Variants in GPHN observed in about 807,000 individuals in gnomAD.
GPHN encodes gephyrin.
Under a neutral mutation model 95.5 loss-of-function variants are expected in GPHN, and 17 were observed. The ratio of observed to expected loss-of-function variants is 0.18; its 90% CI spans 0.12 to 0.27. The LOEUF (loss-of-function observed/expected upper bound fraction) is 0.27, where lower values mean the gene tolerates loss of function less well. Among genes scored for constraint, GPHN ranks in the 10% least tolerant of loss-of-function variants. The probability of loss-of-function intolerance (pLI) is 1.00; values close to 1 mark genes in which losing one functional copy is unlikely to be tolerated. For synonymous variants in GPHN, 320 were observed against 322.5 expected, an observed-to-expected ratio of 0.99 and a Z score of 0.08; for missense variants, 660 against 978.1, an observed-to-expected ratio of 0.67 and a Z score of 4.34.
At chr14:66,853,011 G>C (rs1360075227) in intron 4 of GPHN, among the ~76,000 whole-genome samples, 1 of 152,104 alleles carries the variant, frequency 6.6e-6, no homozygotes, top group African/African-American at 2.4e-5. Flanking sequence ...TTGGTGAAAG[G>C]CTTCTAATTG....
At chr14:66,732,737 G>A (rs2071893877) in intron 2 of GPHN, among the ~76,000 whole-genome samples, 1 of 152,092 alleles carries the variant, frequency 6.6e-6, no homozygotes, top group Non-Finnish European at 1.5e-5. Context: ...GGCTGCTCTT[G>A]AACTCCTGAC....
chr14:67,635,357 A>G, the GPHN span, among the ~76,000 whole-genome samples: 1 of 152,278 alleles, frequency 6.6e-6, no homozygotes, highest in African/African-American at 2.4e-5. Context: ...CCTAAATAAC[A>G]GTCTCTTCAA....
chr14:67,043,439 A>C (rs563023920), intron 10 of GPHN, among the ~76,000 whole-genome samples: 1 of 152,306 alleles, frequency 6.6e-6, no homozygotes, highest in South Asian at 2.1e-4. Flanking sequence ...TTTTAGCAGG[A>C]AGGAGTGTTG....
chr14:66,915,177 A>G (rs1352004942), intron 5 of GPHN, among the ~76,000 whole-genome samples: 1 of 152,180 alleles, frequency 6.6e-6, no homozygotes, highest in Non-Finnish European at 1.5e-5. Flanking sequence ...GTGGTTAAAG[A>G]AAAACTCAGT....
At chr14:67,115,734 CAAAA>C (rs35393713) in intron 16 of GPHN, among the ~76,000 whole-genome samples, 1 of 123,950 alleles carries the variant, frequency 8.1e-6, no homozygotes, top group Non-Finnish European at 1.7e-5. Context: ...GACTCCATCT[CAAAA>C]AAAAAAAAAA....
the GPHN span, chr14:67,592,205 CAGG>C: frequency 4.2e-6 from 1 of 238,856 alleles, no homozygotes; most frequent in South Asian, 3.8e-5. Flanking sequence ...GAGGCTGAGG[CAGG>C]AGAATTGCTT....
chr14:67,069,679 C>G (rs1402686567), intron 11 of GPHN, among the ~76,000 whole-genome samples: 1 of 152,152 alleles, frequency 6.6e-6, no homozygotes, highest in Non-Finnish European at 1.5e-5. Flanking sequence ...AAATAAAATT[C>G]CCAAGACAGC....
chr14:67,604,160 T>C, the GPHN span, among the ~76,000 whole-genome samples: 1 of 152,208 alleles, frequency 6.6e-6, no homozygotes, highest in Non-Finnish European at 1.5e-5. Context: ...GCTTTCTTAC[T>C]GGGATGGATA....
At chr14:67,452,204 C>T in the GPHN span, among the ~76,000 whole-genome samples, 19 of 151,936 alleles carry the variant, frequency 1.3e-4, no homozygotes, top group African/African-American at 4.6e-4. Flanking sequence ...TGATGGTGCA[C>T]ACCAGCTACT....
At chr14:66,711,632 A>G (rs1310004430) in intron 2 of GPHN, among the ~76,000 whole-genome samples, 1 of 146,894 alleles carries the variant, frequency 6.8e-6, no homozygotes, top group Non-Finnish European at 1.5e-5. Context: ...TCTAGGGTAC[A>G]TGTGCACAAT....
At chr14:67,454,848 C>T in the GPHN span, among the ~76,000 whole-genome samples, 1 of 151,942 alleles carries the variant, frequency 6.6e-6, no homozygotes, top group Non-Finnish European at 1.5e-5. Context: ...CGCCCTGTCC[C>T]AGCCAGGGCA....
intron 9 of GPHN, among the ~76,000 whole-genome samples, chr14:67,000,191 A>G (rs569019365): frequency 3.4e-4 from 51 of 151,944 alleles, no homozygotes; most frequent in Middle Eastern, 3.4e-3. Flanking sequence ...TCTGATCTAA[A>G]CAAACTTGGA....
At chr14:67,574,254 A>G in the GPHN span, 5 of 1,604,716 alleles carry the variant, frequency 3.1e-6, no homozygotes, top group Non-Finnish European at 4.3e-6. This position sits in a 1 kb window ranked among gnomAD's most constrained non-coding sequence, Gnocchi z 4.2. Flanking sequence ...CATCTCTGAG[A>G]AGAAAACCTA....
chr14:67,722,649 G>A, the GPHN span: 8 of 1,613,730 alleles, frequency 5.0e-6, no homozygotes, highest in African/African-American at 1.3e-5. Flanking sequence ...AACGATGCTG[G>A]TCACCTTGGG....
chr14:67,435,701 C>T, the GPHN span, among the ~76,000 whole-genome samples: 1 of 152,226 alleles, frequency 6.6e-6, no homozygotes, highest in African/African-American at 2.4e-5. Context: ...CTGGATGTCA[C>T]TCCTTCCCTT....
the GPHN span, among the ~76,000 whole-genome samples, chr14:67,543,600 A>T: frequency 2.0e-5 from 3 of 152,154 alleles, no homozygotes; most frequent in South Asian, 4.1e-4. Flanking sequence ...TGCATGTTTA[A>T]CAAGCGTCCA....
chr14:67,085,643 T>C (rs1279624833), intron 11 of GPHN, among the ~76,000 whole-genome samples: 1 of 152,238 alleles, frequency 6.6e-6, no homozygotes, highest in Non-Finnish European at 1.5e-5. Flanking sequence ...TAACTGTTGA[T>C]TCTTATGGCA....
chr14:66,663,571 T>G (rs1300929366), intron 1 of GPHN, among the ~76,000 whole-genome samples: 1 of 152,016 alleles, frequency 6.6e-6, no homozygotes, highest in Non-Finnish European at 1.5e-5. Flanking sequence ...ACAAGTTATT[T>G]TAAACAAGTC....
chr14:67,695,399 A>G, the GPHN span, among the ~76,000 whole-genome samples: 2 of 152,166 alleles, frequency 1.3e-5, no homozygotes, highest in Non-Finnish European at 2.9e-5. Flanking sequence ...AAAACAGGCC[A>G]GGGAAAAGCA....
Sources: gnomAD v4.1 joint callset for allele counts (sites outside exome capture counted in the v4.1 genomes callset) on GRCh38, gnomAD v4.1.1 for gene constraint, Gnocchi (gnomAD v3.1) non-coding constraint, MANE v1.5 for transcripts, NCBI Gene and HGNC (gene_info 2026-07-23, HGNC 2026-07-21) for gene names.